Variants in SPMIP2 observed in about 807,000 individuals in gnomAD.
SPMIP2 encodes sperm microtubule inner protein 2, also known as protein SPMIP2.
At chr4:158,927,821 G>A in the SPMIP2 span, among the ~76,000 whole-genome samples, 65 of 152,288 alleles carry the variant, frequency 4.3e-4, no homozygotes, top group East Asian at 2.9e-3. Context: ...TGCTGGCCCC[G>A]GGCAATGAGG....
the SPMIP2 span, among the ~76,000 whole-genome samples, chr4:158,897,894 T>C: frequency 6.6e-6 from 1 of 152,238 alleles, no homozygotes; most frequent in East Asian, 1.9e-4. Context: ...TTTGGTGTTT[T>C]AGTCATGAAG....
At chr4:159,071,531 C>G in the SPMIP2 span, among the ~76,000 whole-genome samples, 1 of 152,278 alleles carries the variant, frequency 6.6e-6, no homozygotes. Flanking sequence ...AAAGCAAACA[C>G]AGGGCAGCAA....
At chr4:159,056,588 C>G in the SPMIP2 span, among the ~76,000 whole-genome samples, 4 of 152,154 alleles carry the variant, frequency 2.6e-5, no homozygotes, top group Non-Finnish European at 4.4e-5. Flanking sequence ...AAGGACGTGA[C>G]TCTTGCATGC....
At chr4:159,054,148 A>T in the SPMIP2 span, among the ~76,000 whole-genome samples, 4 of 151,128 alleles carry the variant, frequency 2.6e-5, no homozygotes, top group South Asian at 8.4e-4. Flanking sequence ...CACCTGGTTA[A>T]TTTTTTTTTA....
chr4:158,972,447 T>G, the SPMIP2 span, among the ~76,000 whole-genome samples: 1 of 152,178 alleles, frequency 6.6e-6, no homozygotes, highest in Non-Finnish European at 1.5e-5. Context: ...ATTGCATGAT[T>G]GATACATTTA....
the SPMIP2 span, among the ~76,000 whole-genome samples, chr4:159,081,437 T>A: frequency 2.0e-5 from 3 of 151,914 alleles, no homozygotes; most frequent in African/African-American, 7.3e-5. Flanking sequence ...ATGCCTGGAG[T>A]CCCAGCACTT....
chr4:158,908,056 TC>T, the SPMIP2 span: 4 of 152,232 alleles, frequency 2.6e-5, no homozygotes, highest in Admixed American at 2.6e-4. Flanking sequence ...TTGAACATTT[TC>T]CTGGTGCTGC....
the SPMIP2 span, among the ~76,000 whole-genome samples, chr4:158,901,419 A>T: frequency 6.6e-6 from 1 of 151,522 alleles, no homozygotes; most frequent in Non-Finnish European, 1.5e-5. Context: ...TGCCCTTAAC[A>T]TTTTTTTCCT....
At chr4:159,052,569 G>A in the SPMIP2 span, among the ~76,000 whole-genome samples, 1 of 152,150 alleles carries the variant, frequency 6.6e-6, no homozygotes, top group African/African-American at 2.4e-5. Context: ...CGTAGATGGG[G>A]TAGTGATGCT....
At chr4:159,051,588 C>G in the SPMIP2 span, among the ~76,000 whole-genome samples, 1 of 152,228 alleles carries the variant, frequency 6.6e-6, no homozygotes, top group African/African-American at 2.4e-5. Flanking sequence ...TTAATGAACT[C>G]TTATCTGTCA....
chr4:159,004,289 CT>C, the SPMIP2 span, among the ~76,000 whole-genome samples: 230 of 78,918 alleles, frequency 2.9e-3, 2 homozygotes, highest in African/African-American at 0.011. Context: ...ACTCTGTGCT[CT>C]TTTTTTTTTT....
At chr4:158,953,342 C>A in the SPMIP2 span, among the ~76,000 whole-genome samples, 1 of 152,230 alleles carries the variant, frequency 6.6e-6, no homozygotes, top group African/African-American at 2.4e-5. Flanking sequence ...TCAGAAGGTG[C>A]AAGCCCCAAG....
chr4:158,999,012 T>G, the SPMIP2 span, among the ~76,000 whole-genome samples: 1 of 151,962 alleles, frequency 6.6e-6, no homozygotes, highest in Non-Finnish European at 1.5e-5. Flanking sequence ...AAATTTTTTT[T>G]AATTAACTGG....
chr4:159,030,681 G>C, the SPMIP2 span, among the ~76,000 whole-genome samples: 4 of 151,952 alleles, frequency 2.6e-5, no homozygotes, highest in South Asian at 8.3e-4. Context: ...ATTTTTAGTA[G>C]AGATGGGGCT....
the SPMIP2 span, among the ~76,000 whole-genome samples, chr4:159,068,989 C>T: frequency 1.3e-5 from 2 of 152,114 alleles, no homozygotes; most frequent in Non-Finnish European, 2.9e-5. Context: ...GTTGGTTCCT[C>T]CTAGAATTTC....
chr4:158,910,355 C>T, the SPMIP2 span, among the ~76,000 whole-genome samples: 1 of 151,562 alleles, frequency 6.6e-6, no homozygotes. Context: ...CTCACTGCAA[C>T]CTCTGCCTCC....
the SPMIP2 span, among the ~76,000 whole-genome samples, chr4:158,900,346 G>A: frequency 6.6e-6 from 1 of 152,208 alleles, no homozygotes; most frequent in Non-Finnish European, 1.5e-5. Context: ...TTCTGTAGAT[G>A]TCTATTAGGT....
chr4:158,981,755 C>T, the SPMIP2 span, among the ~76,000 whole-genome samples: 1 of 118,554 alleles, frequency 8.4e-6, no homozygotes, highest in East Asian at 2.5e-4. Context: ...CAAAAACATA[C>T]CAAATTGTAA....
chr4:158,953,859 G>C, the SPMIP2 span, among the ~76,000 whole-genome samples: 4 of 152,188 alleles, frequency 2.6e-5, no homozygotes, highest in Non-Finnish European at 4.4e-5. Flanking sequence ...CATGGGCCCT[G>C]TAACCTCTTC....
Sources: allele counts gnomAD v4.1 joint callset (sites outside exome capture counted in the v4.1 genomes callset), GRCh38; gene constraint gnomAD v4.1.1; transcripts MANE v1.5; gene names NCBI Gene and HGNC (gene_info 2026-07-23, HGNC 2026-07-21).